The following TBC1D19 variants were observed in gnomAD, a reference collection of about 807,000 sequenced individuals.
The protein encoded by TBC1D19 is TBC1 domain family, member 19.
A neutral mutation model predicts 89.0 loss-of-function variants in TBC1D19; 60 were observed. The ratio of observed to expected loss-of-function variants is 0.67; its 90% CI spans 0.55 to 0.84. TBC1D19 has a LOEUF of 0.84. Ranked by LOEUF, TBC1D19 falls within the 40% of genes least tolerant of loss-of-function variation. The pLI is 0.00. For missense variants in TBC1D19, 500 were observed against 610.8 expected (o/e 0.82, Z 1.91); for synonymous variants, 189 against 199.7 (o/e 0.95, Z 0.45).
chr4:26,764,189 A>G, the TBC1D19 span, among the ~76,000 whole-genome samples: 10 of 152,202 alleles, frequency 6.6e-5, no homozygotes, highest in Non-Finnish European at 1.5e-4. Context: ...ATTTTGGCTG[A>G]TTGCTGACCC....
intron 4 of TBC1D19, among the ~76,000 whole-genome samples, chr4:26,635,666 T>C (rs1014164694): frequency 1.8e-4 from 28 of 152,038 alleles, no homozygotes; most frequent in African/African-American, 6.0e-4. Context: ...TTACTTAGAG[T>C]AGAAATATGT....
intron 8 of TBC1D19, among the ~76,000 whole-genome samples, chr4:26,665,025 A>T (rs1711678206): frequency 1.3e-5 from 2 of 152,086 alleles, no homozygotes; most frequent in Admixed American, 1.3e-4. Flanking sequence ...TTGGCCGACG[A>T]TCGCTCTAAC....
the TBC1D19 span, among the ~76,000 whole-genome samples, chr4:26,847,596 G>C: frequency 1.3e-5 from 2 of 152,200 alleles, no homozygotes; most frequent in Admixed American, 6.5e-5. Flanking sequence ...AAGGTATCTG[G>C]GGCCAGATCA....
intron 2 of TBC1D19, 37 bp downstream of exon 2, chr4:26,613,278 AG>A: frequency 7.6e-7 from 1 of 1,312,174 alleles, no homozygotes; most frequent in Non-Finnish European, 1.1e-6. Context: ...AGGCAAAATA[AG>A]AAAATGTTTT....
the TBC1D19 span, among the ~76,000 whole-genome samples, chr4:26,777,746 G>T: frequency 6.6e-6 from 1 of 152,068 alleles, no homozygotes; most frequent in East Asian, 1.9e-4. Context: ...AATGCTCTTG[G>T]CCTCTTACCC....
the TBC1D19 span, among the ~76,000 whole-genome samples, chr4:26,840,575 C>T: frequency 6.6e-6 from 1 of 152,032 alleles, no homozygotes. Flanking sequence ...CCATACCTAC[C>T]TCAATCATAT....
At chr4:26,675,389 GT>G (rs1301938330) in intron 11 of TBC1D19, among the ~76,000 whole-genome samples, 1 of 151,802 alleles carries the variant, frequency 6.6e-6, no homozygotes, top group East Asian at 1.9e-4. Context: ...GTGTTTTCTT[GT>G]AAAAAGAAAA....
At chr4:26,601,236 T>C (rs1740581678) in intron 1 of TBC1D19, among the ~76,000 whole-genome samples, 1 of 152,180 alleles carries the variant, frequency 6.6e-6, no homozygotes, top group Non-Finnish European at 1.5e-5. Flanking sequence ...CTACGGTCTG[T>C]CTCTATGAAT....
the TBC1D19 span, among the ~76,000 whole-genome samples, chr4:26,802,530 A>G: frequency 6.6e-6 from 1 of 152,076 alleles, no homozygotes; most frequent in Admixed American, 6.6e-5. Flanking sequence ...TGAACCTGGG[A>G]GGCGGAGGTT....
intron 1 of TBC1D19, among the ~76,000 whole-genome samples, chr4:26,605,450 C>T (rs375701037): frequency 8.6e-5 from 13 of 151,904 alleles, no homozygotes; most frequent in African/African-American, 2.9e-4. Context: ...ATCCAGTCTA[C>T]CATTGTTGGA....
chr4:26,792,491 G>A, the TBC1D19 span, among the ~76,000 whole-genome samples: 1 of 152,164 alleles, frequency 6.6e-6, no homozygotes, highest in Admixed American at 6.5e-5. Flanking sequence ...AAAGGAATCT[G>A]ATGAAACAGG....
At position 26,613,146 on chromosome 4, in the gene TBC1D19, TTTA is replaced by T. The variant is rs539462287; in HGVS notation, c.100-8_100-6del. The T allele has an allele frequency of 6.1e-4, 868 of 1,417,294 alleles. 1 individual carries two copies. Among genetic ancestry groups the T allele is most frequent in the African/African-American group, 4.5e-3 (306 of 68,198 alleles). 87.8% of individuals were successfully genotyped at this position (1,417,294 alleles called of 1,614,324 possible). ...ATCTTTTCCTTCCTTATCTTTCTTTTTTATTATTATTATTATTCTTAGGCCAGT... is the reference window on the plus strand; with the variant it reads ...ATCTTTTCCTTCCTTATCTTTCTTTTTTATTATTATTATTCTTAGGCCAGT... On this transcript the variant is annotated intron_variant, in intron 1 of 20. Transcript: ENST00000264866.
At chr4:26,744,066 C>G (rs1265661818) in intron 18 of TBC1D19, among the ~76,000 whole-genome samples, 1 of 151,404 alleles carries the variant, frequency 6.6e-6, no homozygotes, top group African/African-American at 2.4e-5. Flanking sequence ...AATTTAATTT[C>G]TTTAATAGAT....
At chr4:26,576,926 A>G (rs941158985) in intron 1 of TBC1D19, 14 of 450,482 alleles carry the variant, frequency 3.1e-5, no homozygotes, top group Non-Finnish European at 6.3e-5. Context: ...TTGGTCAAAC[A>G]GTAATCTAGG....
At chr4:26,746,480 C>A (rs998470461) in intron 18 of TBC1D19, among the ~76,000 whole-genome samples, 4 of 151,022 alleles carry the variant, frequency 2.6e-5, no homozygotes, top group African/African-American at 7.4e-5. Flanking sequence ...ACTATTGGAT[C>A]CCATCTAGTG....
chr4:26,727,161 G>A (rs188209796), intron 15 of TBC1D19, among the ~76,000 whole-genome samples: 22 of 152,302 alleles, frequency 1.4e-4, no homozygotes, highest in African/African-American at 4.8e-4. Flanking sequence ...GTAGTCAGGT[G>A]AATGAAACTT....
At chr4:26,798,808 A>C in the TBC1D19 span, among the ~76,000 whole-genome samples, 1 of 152,170 alleles carries the variant, frequency 6.6e-6, no homozygotes, top group Non-Finnish European at 1.5e-5. Flanking sequence ...TCTCACTTAT[A>C]AGTGGGAGCT....
the TBC1D19 span, among the ~76,000 whole-genome samples, chr4:26,808,377 G>A: frequency 6.6e-6 from 1 of 152,146 alleles, no homozygotes; most frequent in African/African-American, 2.4e-5. Flanking sequence ...ATGGAGCTAA[G>A]ATATTCCCAC....
downstream of TBC1D19, among the ~76,000 whole-genome samples, chr4:26,757,757 C>T (rs115932302): frequency 7.1e-3 from 1,084 of 152,200 alleles, 1 homozygote; most frequent in Non-Finnish European, 0.01. Flanking sequence ...CTTTTTCTCT[C>T]CCCCCAGATT....
Sources: gnomAD v4.1 joint callset for allele counts (sites outside exome capture counted in the v4.1 genomes callset) on GRCh38, gnomAD v4.1.1 for gene constraint, MANE v1.5 for transcripts, NCBI Gene and HGNC (gene_info 2026-07-23, HGNC 2026-07-21) for gene names.